Variants in REL observed in about 807,000 individuals in gnomAD.
REL encodes the protein proto-oncogene c-Rel.
A neutral mutation model predicts 45.9 loss-of-function variants in REL; 15 were observed. The ratio of observed to expected loss-of-function variants is 0.33; its 90% confidence interval spans 0.22 to 0.50. The LOEUF is 0.50. Among genes scored for constraint, REL ranks in the 20% least tolerant of loss-of-function variants. The pLI is 0.98. For synonymous variants in REL, 239 were observed against 242.1 expected (o/e 0.99, Z 0.12); for missense variants, 601 against 715.2 (o/e 0.84, Z 1.82).
intron 4 of REL, among the ~76,000 whole-genome samples, chr2:60,914,481 G>C (rs113683651): frequency 1.2e-3 from 181 of 151,986 alleles, no homozygotes; most frequent in African/African-American, 4.2e-3. Flanking sequence ...TTGAACTTTG[G>C]CTTATTGACC....
intron 9 of REL, among the ~76,000 whole-genome samples, chr2:60,921,099 A>G (rs1001218443): frequency 3.3e-5 from 5 of 151,436 alleles, no homozygotes; most frequent in East Asian, 3.9e-4. Flanking sequence ...CTTTTTACAG[A>G]AAAAAAAATT....
Position 60,922,271 on chromosome 2 carries a change from C to T in REL, c.1500C>T (p.Asp500=), listed in dbSNP as rs899538066. Residue 500 remains aspartate, a synonymous_variant, in exon 10 of 10, where the codon GAC becomes GAT. Transcript: ENST00000394479. ...GTAATTCAGTGTTAGACCCAAGAGACTTGAGACAGCTCCATCAGATGTCCT... is the reference window on the plus strand; with the variant it reads ...GTAATTCAGTGTTAGACCCAAGAGATTTGAGACAGCTCCATCAGATGTCCT... The part of the protein sequence containing the change: ...PSCNSVLDPR[D]LRQLHQMSSS... The T allele has an allele frequency of 3.7e-6, 6 of 1,614,166 alleles. No individual in the cohort carries two copies. The highest frequency in any genetic ancestry group is 2.2e-5 in the East Asian group (1 of 44,888).
rs1421538534 is a variant in REL, at chr2:60,930,804, A to G, written c.*8269A>G. Reference sequence around the variant, plus strand: ...TTTATTATCCTCTAATATTCTTATCAGTTGTTTCCACAACTTTAGTTTACT... The same window carrying G: ...TTTATTATCCTCTAATATTCTTATCGGTTGTTTCCACAACTTTAGTTTACT... On this transcript the variant is annotated 3_prime_UTR_variant, in exon 10 of 10. Coordinates refer to ENST00000394479, the MANE Select transcript of REL (RefSeq NM_001291746.2). The G allele has an allele frequency of 6.6e-6, 1 of 152,364 alleles. No individual in the cohort carries two copies. Among genetic ancestry groups the G allele is most frequent in the African/African-American group, 2.4e-5 (1 of 41,470 alleles). 9.4% of individuals were successfully genotyped at this position (152,364 alleles called of 1,614,324 possible).
chr2:60,915,121 AC>A (rs1673929524), intron 4 of REL, among the ~76,000 whole-genome samples: 3 of 151,906 alleles, frequency 2.0e-5, no homozygotes, highest in Admixed American at 6.6e-5. Flanking sequence ...GTGAGCCACC[AC>A]GCCTGGCCAG....
chr2:60,909,600 G>C (rs1264184719), intron 4 of REL, among the ~76,000 whole-genome samples: 1 of 152,062 alleles, frequency 6.6e-6, no homozygotes, highest in African/African-American at 2.4e-5. Context: ...CTGAGACATA[G>C]TTCTTAAAAT....
At position 60,918,207 on chromosome 2, in the gene REL, A is replaced by G. The variant is rs1338772496; in HGVS notation, c.552A>G (p.Ala184=). The G allele has an allele frequency of 6.2e-7, 1 of 1,601,308 alleles. No homozygotes were observed. Among genetic ancestry groups the G allele is most frequent in the Non-Finnish European group, 8.5e-7 (1 of 1,172,582 alleles). The part of the protein sequence containing the change: ...PIYDNRAPNT[A]ELRICRVNKN... ...TATATTTAGGTGCTCCAAATACTGC[A>G]GAATTAAGGATTTGTCGTGTAAACA... Residue 184 remains alanine (A), a synonymous_variant, in exon 6 of 10, where the codon GCA becomes GCG. Coordinates refer to ENST00000394479, the MANE Select transcript of REL (RefSeq NM_001291746.2).
intron 1 of REL, among the ~76,000 whole-genome samples, chr2:60,884,283 T>C (rs1006378326): frequency 6.6e-6 from 1 of 152,032 alleles, no homozygotes; most frequent in Admixed American, 6.5e-5. Context: ...ATGTGATAGC[T>C]ATAATGTAAA....
chr2:60,914,481 G>T (rs113683651), intron 4 of REL, among the ~76,000 whole-genome samples: 1 of 151,870 alleles, frequency 6.6e-6, no homozygotes, highest in African/African-American at 2.4e-5. Flanking sequence ...TTGAACTTTG[G>T]CTTATTGACC....
rs567523763 is a variant in REL at position 60,925,152 on chromosome 2, C to T, written c.*2617C>T. ...TCATTATGCTAAGTAATTAACTTTACCTAGTTTGTTTTACAACTAGAACCT... is the reference window on the plus strand; with the variant it reads ...TCATTATGCTAAGTAATTAACTTTATCTAGTTTGTTTTACAACTAGAACCT... On this transcript the variant is annotated 3_prime_UTR_variant, in exon 10 of 10. Coordinates refer to ENST00000394479, the MANE Select transcript of REL (RefSeq NM_001291746.2). The T allele has an allele frequency of 3.0e-5, 6 of 199,896 alleles. No homozygotes were observed. The East Asian group carries it at 4.6e-4, about 15-fold the overall frequency. 12.4% of individuals were successfully genotyped at this position (199,896 alleles called of 1,614,324 possible).
intron 4 of REL, among the ~76,000 whole-genome samples, chr2:60,908,836 C>T (rs1673729390): frequency 6.6e-6 from 1 of 152,200 alleles, no homozygotes; most frequent in African/African-American, 2.4e-5. Context: ...GGCTGCTATA[C>T]AGTTGAGTTT....
In REL at chr2:60,926,493, A is replaced by G. The variant is rs1674270496; in HGVS notation, c.*3958A>G. On this transcript the variant is annotated 3_prime_UTR_variant, in exon 10 of 10. Transcript: ENST00000394479. ...ACCTCCTATACTTCCCTCTTTGCAT[A>G]CTCCTCTGGGTTTTCTGTGGTAGTC... 2 of 230,076 alleles carry G rather than the reference A, an allele frequency of 8.7e-6. No homozygotes were observed. The highest frequency in any genetic ancestry group is 1.7e-5 in the Non-Finnish European group (2 of 116,756). 14.3% of individuals were successfully genotyped at this position (230,076 alleles called of 1,614,324 possible).
chr2:60,921,954 C>T lies in REL; in HGVS notation c.1183C>T (p.Pro395Ser). The change falls in exon 10 of 10, where the codon CCA (proline) becomes TCA (serine). Residue 395 changes from proline (P) to serine (S), a missense_variant. By Grantham distance (74) the Pro-to-Ser change is moderately conservative. Transcript: ENST00000394479. The part of the protein sequence containing the change: ...HPTPRSGNTN[P>S]LSSFSTRTLP... The stretch of plus-strand genomic sequence containing the variant: ...CACCCCACGCTCAGGCAATACAAAC[C>T]CACTGAGTAGTTTTTCAACAAGGAC... The T allele has an allele frequency of 6.2e-7, 1 of 1,614,116 alleles. No homozygotes were observed.
At chr2:60,912,298 C>G (rs1037924275) in intron 4 of REL, among the ~76,000 whole-genome samples, 1 of 152,010 alleles carries the variant, frequency 6.6e-6, no homozygotes, top group Non-Finnish European at 1.5e-5. Flanking sequence ...ATTAATCTTT[C>G]TTAAATGTAT....
At chr2:60,916,369 G>A (rs542013610) in intron 4 of REL, among the ~76,000 whole-genome samples, 3 of 152,122 alleles carry the variant, frequency 2.0e-5, no homozygotes, top group Admixed American at 6.5e-5. Flanking sequence ...AACCAAAATC[G>A]CATCACTGCA....
In REL at chr2:60,926,469, C is replaced by A. The variant is rs868356501; in HGVS notation, c.*3934C>A. Reference sequence around the variant, plus strand: ...CTCACACTGCTTGACCTATGTATAACCTCCTATACTTCCCTCTTTGCATAC... The same window carrying A: ...CTCACACTGCTTGACCTATGTATAAACTCCTATACTTCCCTCTTTGCATAC... On this transcript the variant is annotated 3_prime_UTR_variant, in exon 10 of 10. Coordinates refer to ENST00000394479, the MANE Select transcript of REL (RefSeq NM_001291746.2). 1 of 231,704 alleles carries A rather than the reference C, an allele frequency of 4.3e-6. No individual in the cohort carries two copies. Among genetic ancestry groups the A allele is most frequent in the Non-Finnish European group, 8.5e-6 (1 of 117,064 alleles). 14.4% of individuals were successfully genotyped at this position (231,704 alleles called of 1,614,324 possible).
chr2:60,894,289 A>T, intron 2 of REL, 108 bp from the exon 3 acceptor site: 6 of 639,456 alleles, frequency 9.4e-6, no homozygotes, highest in Non-Finnish European at 1.5e-5. Context: ...GATTTTATTT[A>T]TCTAGTGCCA....
At chr2:60,894,037 A>G (rs182151018) in intron 2 of REL, among the ~76,000 whole-genome samples, 1 of 152,198 alleles carries the variant, frequency 6.6e-6, no homozygotes, top group Non-Finnish European at 1.5e-5. Context: ...TTTTCAAGGA[A>G]TGTTTATGGT....
chr2:60,922,105 T>C lies in REL; in HGVS notation c.1334T>C (p.Met445Thr). 6.2e-7 allele frequency: 1 copy of C among 1,614,228 alleles called. No individual in the cohort carries two copies. Among genetic ancestry groups the C allele is most frequent in the Non-Finnish European group, 8.5e-7 (1 of 1,180,024 alleles). ...ATAGTCGGAATGGAAGCGTCATCCA[T>C]GCCATCAGCAGATTTATATGGTATT... ...DDIVGMEASSMPSADLYGISD... is the reference protein window; with the variant it reads ...DDIVGMEASSTPSADLYGISD... Residue 445 changes from methionine to threonine, a missense_variant, in exon 10 of 10, where the codon ATG becomes ACG. This residue lies in a region of REL where 334 missense variants were observed against 333.1 expected (regional missense o/e 1.00). Transcript: ENST00000394479.
In REL at chr2:60,925,689, T is replaced by TG. The variant is rs1347379486; in HGVS notation, c.*3158dup. Reference sequence around the variant, plus strand: ...TCTCTAGATGATGATGGATGATAGGTGGGGAGATTTTTTTTTTTTTTAATA... The same window carrying TG: ...TCTCTAGATGATGATGGATGATAGGTGGGGGAGATTTTTTTTTTTTTTAATA... On this transcript the variant is annotated 3_prime_UTR_variant, in exon 10 of 10. Transcript: ENST00000394479. 6.6e-6 allele frequency: 1 copy of TG among 151,640 alleles called. No individual in the cohort carries two copies. Among genetic ancestry groups the TG allele is most frequent in the African/African-American group, 3.2e-5 (1 of 31,374 alleles). 9.4% of individuals were successfully genotyped at this position (151,640 alleles called of 1,614,324 possible). A position where few individuals can be genotyped will look rare whatever the true frequency, so the allele number is the denominator to read the frequency against.
Sources: gnomAD v4.1 joint callset for allele counts (sites outside exome capture counted in the v4.1 genomes callset) on GRCh38, gnomAD v4.1.1 for gene constraint, gnomAD v4.1.1 regional missense constraint, MANE v1.5 for transcripts, NCBI Gene and HGNC (gene_info 2026-07-23, HGNC 2026-07-21) for gene names.